Variants in NCAPG2 observed in about 807,000 individuals in gnomAD.
The protein encoded by NCAPG2 is condensin-2 complex subunit G2.
In NCAPG2, 53 loss-of-function variants were observed where a neutral mutation model predicts 141.1. That is an observed-to-expected ratio of 0.38 (90% confidence interval 0.30 to 0.47). The LOEUF is 0.47. Ranked by LOEUF, NCAPG2 falls within the 20% of genes least tolerant of loss-of-function variation. The pLI is 0.99. For synonymous variants in NCAPG2, 499 were observed against 490.7 expected (o/e 1.02, Z -0.22); for missense variants, 1,087 against 1,389.0 (o/e 0.78, Z 3.46).
At chr7:158,689,491 TA>T (rs908968326) in intron 6 of NCAPG2, among the ~76,000 whole-genome samples, 2 of 152,220 alleles carry the variant, frequency 1.3e-5, no homozygotes, top group Non-Finnish European at 2.9e-5. Context: ...ACATGGCAAT[TA>T]AAATGGAATT....
At chr7:158,634,359 T>C (rs1830056714) in intron 27 of NCAPG2, among the ~76,000 whole-genome samples, 1 of 152,214 alleles carries the variant, frequency 6.6e-6, no homozygotes, top group South Asian at 2.1e-4. Flanking sequence ...TATATTGTTA[T>C]ACTATACTAA....
chr7:158,680,937 G>A, intron 9 of NCAPG2, 121 bp from the exon 10 acceptor site: 7 of 632,964 alleles, frequency 1.1e-5, no homozygotes, highest in Non-Finnish European at 2.6e-6. Flanking sequence ...GCTCTGGCTG[G>A]CATCCACATG....
chr7:158,688,899 G>A (rs1219006491), intron 6 of NCAPG2, among the ~76,000 whole-genome samples: 1 of 152,176 alleles, frequency 6.6e-6, no homozygotes, highest in Non-Finnish European at 1.5e-5. Context: ...GTACCTCAGA[G>A]CTGGTCCTCC....
At chr7:158,671,053 T>C (rs1188396093) in intron 13 of NCAPG2, among the ~76,000 whole-genome samples, 1 of 122,946 alleles carries the variant, frequency 8.1e-6, no homozygotes, top group Non-Finnish European at 1.6e-5. Flanking sequence ...TCTCATAAAG[T>C]GGGTGTCTCC....
chr7:158,654,586 T>C lies in NCAPG2; in HGVS notation c.2746+9A>G, dbSNP rs765471206. 5.0e-6 allele frequency: 8 copies of C among 1,613,116 alleles called. No individual in the cohort carries two copies. Among genetic ancestry groups the C allele is most frequent in the African/African-American group, 1.3e-5 (1 of 74,888 alleles). ...AGTATTTATTGCTCTAAAACAGCCC[T>C]GACTGTACCTGTTTGCATGATTCCA... On this transcript the variant is annotated intron_variant, in intron 22 of 27. Transcript: ENST00000356309.
chr7:158,678,057 A>T (rs778043038), intron 11 of NCAPG2, among the ~76,000 whole-genome samples: 4 of 151,516 alleles, frequency 2.6e-5, no homozygotes, highest in Non-Finnish European at 4.4e-5. Flanking sequence ...TCGGCCTCTC[A>T]AAGTGTTGGG....
intron 23 of NCAPG2, among the ~76,000 whole-genome samples, chr7:158,651,495 G>A (rs1056822329): frequency 1.3e-5 from 2 of 152,094 alleles, no homozygotes; most frequent in East Asian, 1.9e-4. Context: ...AAAGGACACC[G>A]AGTCTTCAAT....
intron 27 of NCAPG2, chr7:158,641,539 C>G: frequency 3.1e-6 from 2 of 635,546 alleles, no homozygotes; most frequent in East Asian, 2.9e-5. Flanking sequence ...CTGGGCAACA[C>G]AGCAAGTCCT....
At chr7:158,680,476 C>T (rs531599342) in intron 10 of NCAPG2, among the ~76,000 whole-genome samples, 74 of 152,336 alleles carry the variant, frequency 4.9e-4, no homozygotes, top group African/African-American at 1.8e-3. Context: ...CTCTAATCTC[C>T]TTCCCTAAAC....
At chr7:158,704,515 G>A (rs1248522041) in intron 1 of NCAPG2, among the ~76,000 whole-genome samples, 2 of 152,204 alleles carry the variant, frequency 1.3e-5, no homozygotes, top group African/African-American at 4.8e-5. Flanking sequence ...AAGGACGGGC[G>A]TCGCTGAGCT....
At chr7:158,677,509 G>C (rs1834135052) in intron 11 of NCAPG2, among the ~76,000 whole-genome samples, 3 of 35,838 alleles carry the variant, frequency 8.4e-5, no homozygotes, top group Admixed American at 2.9e-4. Flanking sequence ...AAGAAAAAAA[G>C]ATGATAAAAA....
intron 17 of NCAPG2, 138 bp from the exon 18 acceptor site, chr7:158,656,843 C>T: frequency 9.9e-7 from 1 of 1,006,312 alleles, no homozygotes; most frequent in Non-Finnish European, 1.4e-6. Flanking sequence ...TCCATGCTCT[C>T]CAATGCAGGA....
chr7:158,676,367 CAA>C (rs1229005134), intron 11 of NCAPG2, among the ~76,000 whole-genome samples: 1 of 152,100 alleles, frequency 6.6e-6, no homozygotes, highest in Non-Finnish European at 1.5e-5. Flanking sequence ...AAGATTATGG[CAA>C]GAGAGCTCGT....
At chr7:158,690,830 G>C (rs1835072477) in intron 4 of NCAPG2, 108 bp from the exon 5 acceptor site, 1 of 981,946 alleles carries the variant, frequency 1.0e-6, no homozygotes, top group Non-Finnish European at 1.4e-6. Context: ...GCTTTGCTAA[G>C]CAAATAATAT....
chr7:158,676,670 T>C (rs1563555406), intron 11 of NCAPG2, among the ~76,000 whole-genome samples: 3 of 152,228 alleles, frequency 2.0e-5, no homozygotes, highest in Admixed American at 2.0e-4. Flanking sequence ...TAAAACTGTG[T>C]TGTGGGCACA....
At chr7:158,669,841 A>G (rs868592324) in intron 13 of NCAPG2, among the ~76,000 whole-genome samples, 12 of 149,440 alleles carry the variant, frequency 8.0e-5, no homozygotes, top group African/African-American at 2.7e-4. Flanking sequence ...AGGTCTCACT[A>G]TGTTGCCCAG....
chr7:158,698,787 A>ATT (rs5888768), intron 2 of NCAPG2, among the ~76,000 whole-genome samples: 5,806 of 143,206 alleles, frequency 0.041, 345 homozygotes, highest in African/African-American at 0.12. Flanking sequence ...TAGTAGTAGT[A>ATT]TTTTTTTTTT....
intron 13 of NCAPG2, among the ~76,000 whole-genome samples, chr7:158,666,002 A>C (rs527552411): frequency 3.4e-5 from 1 of 29,358 alleles, no homozygotes; most frequent in African/African-American, 1.1e-4. Flanking sequence ...TAGCATTGGA[A>C]AGACAGAGCA....
At chr7:158,682,515 A>C (rs768872121) in intron 9 of NCAPG2, among the ~76,000 whole-genome samples, 1 of 152,190 alleles carries the variant, frequency 6.6e-6, no homozygotes, top group Non-Finnish European at 1.5e-5. Context: ...TTTCTTATCC[A>C]CTCAAAATTA....
Sources: gnomAD v4.1 joint callset for allele counts (sites outside exome capture counted in the v4.1 genomes callset) on GRCh38, gnomAD v4.1.1 for gene constraint, MANE v1.5 for transcripts, NCBI Gene and HGNC (gene_info 2026-07-23, HGNC 2026-07-21) for gene names.